The following CDH13 variants were observed in gnomAD, a reference collection of about 807,000 sequenced individuals.
CDH13 encodes the protein cadherin 13, also known as cadherin-13.
Under a neutral mutation model 63.8 loss-of-function variants are expected in CDH13, and 24 were observed. The observed-to-expected ratio is 0.38, with a 90% CI of 0.27 to 0.53. The LOEUF is 0.53. Among genes scored for constraint, CDH13 ranks in the 20% least tolerant of loss-of-function variants. The pLI, the probability that CDH13 is intolerant of heterozygous loss-of-function variation, is 0.85. For synonymous variants in CDH13, 503 were observed against 355.3 expected (o/e 1.42, Z -4.67); for missense variants, 1,049 against 903.1 (o/e 1.16, Z -2.07).
chr16:82,741,277 C>T (rs751794176), intron 1 of CDH13, among the ~76,000 whole-genome samples: 3 of 152,206 alleles, frequency 2.0e-5, no homozygotes, highest in Non-Finnish European at 4.4e-5. Context: ...ATTTACTTGT[C>T]TGTCTTTCCA....
intron 2 of CDH13, among the ~76,000 whole-genome samples, chr16:82,939,988 G>A (rs993464217): frequency 6.6e-6 from 1 of 152,152 alleles, no homozygotes; most frequent in Admixed American, 6.5e-5. Context: ...TCATGTGGCA[G>A]CAGACAGGAG....
intron 5 of CDH13, among the ~76,000 whole-genome samples, chr16:83,336,372 G>A (rs915973709): frequency 2.0e-5 from 3 of 151,948 alleles, no homozygotes; most frequent in Non-Finnish European, 4.4e-5. Flanking sequence ...TTATAGACGG[G>A]TTCCAATAGA....
chr16:83,304,113 G>A (rs902874933), intron 5 of CDH13, among the ~76,000 whole-genome samples: 14 of 152,260 alleles, frequency 9.2e-5, no homozygotes, highest in African/African-American at 2.2e-4. Flanking sequence ...TGGGGGTAGC[G>A]CAGAGTCCAA....
chr16:82,781,261 T>C (rs1164407093), intron 1 of CDH13, among the ~76,000 whole-genome samples: 2 of 152,224 alleles, frequency 1.3e-5, no homozygotes, highest in African/African-American at 4.8e-5. Context: ...GGCCTATAGC[T>C]TGAAATTACA....
chr16:82,845,730 A>T (rs1028715185), intron 1 of CDH13, among the ~76,000 whole-genome samples: 4 of 152,194 alleles, frequency 2.6e-5, no homozygotes, highest in Admixed American at 6.5e-5. Flanking sequence ...TAAGGGAAAC[A>T]GGTATTATAT....
intron 1 of CDH13, among the ~76,000 whole-genome samples, chr16:82,690,628 C>T (rs1915552827): frequency 6.6e-6 from 1 of 152,166 alleles, no homozygotes; most frequent in African/African-American, 2.4e-5. Flanking sequence ...ATGCCCAAAG[C>T]CTTTCATATA....
chr16:83,772,421 G>C lies in CDH13; in HGVS notation c.1682-7547G>C, dbSNP rs895524637. 4.6e-5 allele frequency among the ~76,000 whole-genome samples: 7 copies of C among 152,288 alleles called. No homozygotes were observed. In the South Asian group the frequency reaches 1.5e-3, roughly 32 times the overall value. On this transcript the variant is annotated intron_variant, in intron 11 of 13. Transcript: ENST00000567109. ...AATTCTTAGAACACTGGACATCCCA[G>C]AAACACGATAAATTAGCAGACCAAA... is the stretch of plus-strand genomic sequence containing the variant.
chr16:83,555,015 C>T (rs762087929), intron 7 of CDH13, among the ~76,000 whole-genome samples: 9 of 150,978 alleles, frequency 6.0e-5, no homozygotes, highest in African/African-American at 1.2e-4. Context: ...CAGAACCCTG[C>T]GGGGCCAGAG....
At chr16:83,127,365 G>T (rs2035858005) in intron 4 of CDH13, among the ~76,000 whole-genome samples, 1 of 152,202 alleles carries the variant, frequency 6.6e-6, no homozygotes, top group African/African-American at 2.4e-5. Flanking sequence ...CAGTAGAGAG[G>T]AGTGGAAGCA....
intron 8 of CDH13, among the ~76,000 whole-genome samples, chr16:83,603,683 G>T (rs942767116): frequency 1.3e-5 from 2 of 152,138 alleles, no homozygotes; most frequent in East Asian, 3.9e-4. Flanking sequence ...AGGCTACCCA[G>T]GGTGGCTTGA....
intron 5 of CDH13, among the ~76,000 whole-genome samples, chr16:83,275,996 T>A (rs1213870364): frequency 2.6e-5 from 4 of 152,094 alleles, no homozygotes; most frequent in African/African-American, 9.7e-5. Context: ...ATTTAAACAA[T>A]TATAACAGAA....
chr16:83,296,638 C>A (rs1011576483), intron 5 of CDH13, among the ~76,000 whole-genome samples: 1 of 152,184 alleles, frequency 6.6e-6, no homozygotes, highest in Non-Finnish European at 1.5e-5. Flanking sequence ...TACACACACA[C>A]ACACATAAGT....
intron 2 of CDH13, among the ~76,000 whole-genome samples, chr16:82,946,035 C>G (rs1210265059): frequency 6.6e-6 from 1 of 152,060 alleles, no homozygotes; most frequent in African/African-American, 2.4e-5. Flanking sequence ...CTCCTGGCGT[C>G]TTATAACTTT....
chr16:83,682,091 G>A (rs919937959), intron 10 of CDH13, among the ~76,000 whole-genome samples: 1 of 151,980 alleles, frequency 6.6e-6, no homozygotes, highest in African/African-American at 2.4e-5. Flanking sequence ...TGTCTTCTTA[G>A]TTTAAAAGAA....
chr16:83,392,934 T>G (rs2091816440), intron 6 of CDH13, among the ~76,000 whole-genome samples: 1 of 126,520 alleles, frequency 7.9e-6, no homozygotes, highest in Admixed American at 8.9e-5. Context: ...GGTGAAGAGC[T>G]GGAAGGAAGT....
At chr16:83,558,724 A>C (rs9939186) in intron 7 of CDH13, among the ~76,000 whole-genome samples, 1 of 152,188 alleles carries the variant, frequency 6.6e-6, no homozygotes, top group African/African-American at 2.4e-5. Flanking sequence ...CTTTGTTGGA[A>C]TACCTACTAC....
intron 6 of CDH13, among the ~76,000 whole-genome samples, chr16:83,395,147 CAAA>C (rs56374797): frequency 2.8e-5 from 3 of 106,692 alleles, no homozygotes; most frequent in Middle Eastern, 5.3e-3. Context: ...GACTCCATCT[CAAA>C]AAAAAAAAAA....
intron 2 of CDH13, among the ~76,000 whole-genome samples, chr16:82,997,193 G>A (rs1018987826): frequency 3.3e-5 from 5 of 151,950 alleles, no homozygotes; most frequent in Non-Finnish European, 5.9e-5. Flanking sequence ...TGATGTTGAT[G>A]GTAGTGATGA....
Position 82,976,139 on chromosome 16 carries a change from G to A in CDH13, c.158-55871G>A, listed in dbSNP as rs59873858. Among the ~76,000 whole-genome samples, 4 of 152,330 alleles carry A rather than the reference G, an allele frequency of 2.6e-5. No individual in the cohort carries two copies. In the East Asian group the frequency reaches 7.7e-4, roughly 30 times the overall value. On this transcript the variant is annotated intron_variant, in intron 2 of 13. Coordinates refer to ENST00000567109, the MANE Select transcript of CDH13 (RefSeq NM_001257.5). ...TTTTTCAAGATAAGATTTGTGGAGAGTTAAAAAGGAGATGACTCAGGAGAC... is the reference window on the plus strand; with the variant it reads ...TTTTTCAAGATAAGATTTGTGGAGAATTAAAAAGGAGATGACTCAGGAGAC...
Sources: allele counts gnomAD v4.1 joint callset (sites outside exome capture counted in the v4.1 genomes callset), GRCh38; gene constraint gnomAD v4.1.1; transcripts MANE v1.5; gene names NCBI Gene and HGNC (gene_info 2026-07-23, HGNC 2026-07-21).